The following UBE2K variants were observed in gnomAD, a reference collection of about 807,000 sequenced individuals.
The protein encoded by UBE2K is ubiquitin conjugating enzyme E2 K.
Under a neutral mutation model 30.0 loss-of-function variants are expected in UBE2K, and 6 were observed. That is an observed-to-expected ratio of 0.20 (90% CI 0.11 to 0.39). The LOEUF (loss-of-function observed/expected upper bound fraction) is 0.39. UBE2K is among the 10% of genes least tolerant of loss of function. The pLI, the probability that UBE2K is intolerant of heterozygous loss-of-function variation, is 1.00. For missense variants in UBE2K, 61 were observed against 241.6 expected (o/e 0.25, Z 4.96); for synonymous variants, 86 against 83.7 (o/e 1.03, Z -0.15).
chr4:39,774,791 C>A, intron 4 of UBE2K, 43 bp from the exon 5 acceptor site: 1 of 1,280,700 alleles, frequency 7.8e-7, no homozygotes, highest in South Asian at 1.9e-5. Context: ...CTTTTGCCTG[C>A]AGAGCCCTCT....
intron 1 of UBE2K, among the ~76,000 whole-genome samples, chr4:39,699,920 A>T (rs1717914309): frequency 6.6e-6 from 1 of 152,200 alleles, no homozygotes; most frequent in African/African-American, 2.4e-5. Flanking sequence ...GCAGAAATAG[A>T]GTCATAAGTG....
At chr4:39,756,597 C>T (rs565155371) in intron 4 of UBE2K, among the ~76,000 whole-genome samples, 4 of 152,032 alleles carry the variant, frequency 2.6e-5, no homozygotes, top group South Asian at 2.1e-4. Context: ...GGAATACAGG[C>T]GCATACCACC....
At chr4:39,770,528 C>T (rs1164996889) in intron 4 of UBE2K, 1 of 1,604,084 alleles carries the variant, frequency 6.2e-7, no homozygotes, top group African/African-American at 1.3e-5. Context: ...CCCCCGCCCC[C>T]CGGGCAACCA....
chr4:39,727,419 T>C (rs1222155472), intron 1 of UBE2K, among the ~76,000 whole-genome samples: 1 of 152,142 alleles, frequency 6.6e-6, no homozygotes, highest in Non-Finnish European at 1.5e-5. Context: ...GGAGTGCCAG[T>C]GGTAAGATCA....
At chr4:39,773,577 C>CT (rs1713067722) in intron 4 of UBE2K, among the ~76,000 whole-genome samples, 1 of 152,078 alleles carries the variant, frequency 6.6e-6, no homozygotes, top group South Asian at 2.1e-4. Flanking sequence ...TGATTTATCA[C>CT]TTTAACTTTG....
Position 39,778,648 on chromosome 4 carries a change from A to AT in UBE2K, c.*222dup. On this transcript the variant is annotated 3_prime_UTR_variant, in exon 7 of 7. Coordinates refer to ENST00000261427, the MANE Select transcript of UBE2K (RefSeq NM_005339.5). ...AAATTTAAAAAGGGGAAATACTTTA[A>AT]TTTTTTTTCTTAATAGTGTAAAAAT... The AT allele has an allele frequency of 2.0e-5, 8 of 401,612 alleles. No individual in the cohort carries two copies. The highest frequency in any genetic ancestry group is 4.1e-5 in the Admixed American group (1 of 24,260). The allele number at this position is 401,612 out of a possible 1,614,324, so 24.9% of individuals were successfully genotyped here.
At chr4:39,771,748 C>G (rs768931837) in intron 4 of UBE2K, among the ~76,000 whole-genome samples, 41 of 152,296 alleles carry the variant, frequency 2.7e-4, no homozygotes, top group Non-Finnish European at 1.5e-4. Context: ...GAAAACTTCC[C>G]AAGGGATGCT....
intron 1 of UBE2K, 53 bp from the exon 2 acceptor site, chr4:39,737,367 T>C (rs1001786555): frequency 2.4e-5 from 27 of 1,109,318 alleles, no homozygotes; most frequent in Non-Finnish European, 3.2e-5. Context: ...GGTAATACTT[T>C]AGGCGTTTTT....
chr4:39,720,868 C>T (rs1025205235), intron 1 of UBE2K, among the ~76,000 whole-genome samples: 2 of 151,848 alleles, frequency 1.3e-5, no homozygotes, highest in South Asian at 4.2e-4. Flanking sequence ...CTCAGCCTTC[C>T]GAGTAGCTAG....
chr4:39,700,413 G>A (rs1231224156), intron 1 of UBE2K, among the ~76,000 whole-genome samples: 2 of 152,092 alleles, frequency 1.3e-5, no homozygotes, highest in Non-Finnish European at 2.9e-5. Context: ...GTTTAGAACA[G>A]TACCTGTATA....
chr4:39,741,914 T>TA (rs1470283025), intron 2 of UBE2K, among the ~76,000 whole-genome samples: 1 of 152,184 alleles, frequency 6.6e-6, no homozygotes, highest in East Asian at 1.9e-4. Flanking sequence ...TAAAAACTAT[T>TA]ATAATATGAA....
At chr4:39,740,216 A>C (rs896633386) in intron 2 of UBE2K, among the ~76,000 whole-genome samples, 5 of 152,096 alleles carry the variant, frequency 3.3e-5, no homozygotes, top group Non-Finnish European at 7.4e-5. Context: ...GGAAGATAGT[A>C]GGGCAGTGAC....
At chr4:39,705,076 T>C (rs1447933724) in intron 1 of UBE2K, among the ~76,000 whole-genome samples, 1 of 151,450 alleles carries the variant, frequency 6.6e-6, no homozygotes, top group Non-Finnish European at 1.5e-5. Flanking sequence ...TTTTTGTATT[T>C]TTAGTAGAGA....
chr4:39,733,014 G>A (rs1466312632), intron 1 of UBE2K, among the ~76,000 whole-genome samples: 3 of 139,528 alleles, frequency 2.2e-5, no homozygotes, highest in African/African-American at 8.1e-5. Context: ...TTCCTTTTGT[G>A]CATTAGAAAT....
chr4:39,763,914 TAG>T (rs1030144837), intron 4 of UBE2K, among the ~76,000 whole-genome samples: 1 of 152,074 alleles, frequency 6.6e-6, no homozygotes, highest in African/African-American at 2.4e-5. Flanking sequence ...TAATTTTTTG[TAG>T]AGACAGAGTT....
At chr4:39,744,285 G>A (rs947652807) in intron 2 of UBE2K, among the ~76,000 whole-genome samples, 1 of 152,090 alleles carries the variant, frequency 6.6e-6, no homozygotes, top group Non-Finnish European at 1.5e-5. Context: ...CCATTCTTCT[G>A]CCTCAGCCTC....
chr4:39,707,286 C>T (rs771008015), intron 1 of UBE2K, among the ~76,000 whole-genome samples: 1 of 151,994 alleles, frequency 6.6e-6, no homozygotes, highest in Non-Finnish European at 1.5e-5. Flanking sequence ...GATCTTGGCT[C>T]ACTGCAGCTT....
chr4:39,704,642 A>AT (rs1718226713), intron 1 of UBE2K, among the ~76,000 whole-genome samples: 1 of 151,978 alleles, frequency 6.6e-6, no homozygotes, highest in African/African-American at 2.4e-5. Context: ...CCAGGCTTAG[A>AT]TGATCCTCCT....
intron 4 of UBE2K, among the ~76,000 whole-genome samples, chr4:39,762,228 A>T (rs547143642): frequency 1.3e-5 from 2 of 150,788 alleles, no homozygotes; most frequent in South Asian, 4.2e-4. Flanking sequence ...AATTTATTTT[A>T]TTTATTTACT....
Sources: allele counts gnomAD v4.1 joint callset (sites outside exome capture counted in the v4.1 genomes callset), GRCh38; gene constraint gnomAD v4.1.1; transcripts MANE v1.5; gene names NCBI Gene and HGNC (gene_info 2026-07-23, HGNC 2026-07-21).